PRRX1: variants seen among roughly 807,000 people sequenced by gnomAD.
PRRX1 encodes the protein paired mesoderm homeobox protein 1.
PRRX1 carries 8 observed loss-of-function variants against 24.0 expected under a neutral mutation model. The observed-to-expected ratio is 0.33, with a 90% CI of 0.20 to 0.60. The LOEUF (loss-of-function observed/expected upper bound fraction) is 0.60. PRRX1 is among the 20% of genes least tolerant of loss of function. The pLI is 0.82. For missense variants in PRRX1, 281 were observed against 322.4 expected (o/e 0.87, Z 0.98); for synonymous variants, 160 against 131.7 (o/e 1.22, Z -1.47).
At chr1:170,705,790 T>A (rs1037041269) in intron 1 of PRRX1, among the ~76,000 whole-genome samples, 2 of 152,110 alleles carry the variant, frequency 1.3e-5, no homozygotes, top group African/African-American at 4.8e-5. Context: ...GTAAAACTTT[T>A]GCATTGCAAG....
chr1:170,671,614 G>A (rs960156939), intron 1 of PRRX1, among the ~76,000 whole-genome samples: 5 of 152,222 alleles, frequency 3.3e-5, no homozygotes. Flanking sequence ...GTAACAAAAC[G>A]TGGGAAATAA....
At chr1:170,672,340 C>A (rs896050307) in intron 1 of PRRX1, among the ~76,000 whole-genome samples, 1 of 152,176 alleles carries the variant, frequency 6.6e-6, no homozygotes, top group African/African-American at 2.4e-5. Flanking sequence ...GTCTTCATAG[C>A]ATAGATGATG....
intron 1 of PRRX1, among the ~76,000 whole-genome samples, chr1:170,702,858 T>C (rs1230678059): frequency 6.6e-6 from 1 of 152,208 alleles, no homozygotes; most frequent in Admixed American, 6.5e-5. Context: ...CGATGTTGGG[T>C]GAAATGGATG....
chr1:170,692,768 C>T (rs1474343903), intron 1 of PRRX1, among the ~76,000 whole-genome samples: 1 of 151,420 alleles, frequency 6.6e-6, no homozygotes, highest in Non-Finnish European at 1.5e-5. Flanking sequence ...CACACAGACA[C>T]ACGTGCACAC....
intron 2 of PRRX1, among the ~76,000 whole-genome samples, chr1:170,724,905 T>A (rs1177988555): frequency 6.6e-6 from 1 of 152,212 alleles, no homozygotes; most frequent in Non-Finnish European, 1.5e-5. Context: ...ATTCTTCCTA[T>A]CCATGAGCAT....
chr1:170,690,680 T>C (rs1352783828), intron 1 of PRRX1, among the ~76,000 whole-genome samples: 1 of 140,426 alleles, frequency 7.1e-6, no homozygotes, highest in African/African-American at 2.4e-5. Context: ...AATTATAATA[T>C]AAATTAGACT....
intron 1 of PRRX1, among the ~76,000 whole-genome samples, chr1:170,706,268 A>T (rs1189430358): frequency 6.6e-6 from 1 of 152,222 alleles, no homozygotes; most frequent in East Asian, 1.9e-4. Context: ...TAGTTAATCC[A>T]TTGTTAAATT....
chr1:170,689,168 C>A (rs1309902523), intron 1 of PRRX1, among the ~76,000 whole-genome samples: 1 of 150,870 alleles, frequency 6.6e-6, no homozygotes, highest in African/African-American at 2.4e-5. Context: ...ATTTTTTTTT[C>A]TGTTATTTCA....
chr1:170,723,330 G>T (rs1170672806), intron 2 of PRRX1, among the ~76,000 whole-genome samples: 4 of 152,178 alleles, frequency 2.6e-5, no homozygotes, highest in South Asian at 2.1e-4. Context: ...TCCACAAAAA[G>T]AATTTTCTTC....
Position 170,719,801 on chromosome 1 carries a change from T to G in PRRX1, c.317T>G (p.Leu106Arg). The G allele has an allele frequency of 6.2e-7, 1 of 1,614,214 alleles. No homozygotes were observed. The highest frequency in any genetic ancestry group is 8.5e-7 in the Non-Finnish European group (1 of 1,180,032). Residue 106 changes from leucine (L) to arginine (R), a missense_variant, in exon 2 of 4, where the codon CTG becomes CGG. Leu to Arg is a moderately radical substitution (Grantham distance 102). Transcript: ENST00000239461. ...AGGACAACCTTCAATAGCAGCCAGC[T>G]GCAGGCTTTGGAGCGTGTCTTTGAG... ...RNRTTFNSSQ[L>R]QALERVFERT...
intron 1 of PRRX1, among the ~76,000 whole-genome samples, chr1:170,679,365 T>C (rs1425439155): frequency 6.6e-6 from 1 of 152,204 alleles, no homozygotes; most frequent in African/African-American, 2.4e-5. Flanking sequence ...TCAGGGGATG[T>C]CAAAATTCTA....
intron 1 of PRRX1, among the ~76,000 whole-genome samples, chr1:170,671,856 C>T (rs1008228663): frequency 6.6e-6 from 1 of 152,008 alleles, no homozygotes; most frequent in African/African-American, 2.4e-5. Context: ...AGGGTTTGTC[C>T]CCATGGAGCT....
At chr1:170,694,700 T>G (rs2101900386) in intron 1 of PRRX1, among the ~76,000 whole-genome samples, 1 of 152,310 alleles carries the variant, frequency 6.6e-6, no homozygotes, top group Non-Finnish European at 1.5e-5. Context: ...GGACTTCTGC[T>G]ATTTTACAAT....
At chr1:170,714,507 A>G (rs1362658824) in intron 1 of PRRX1, among the ~76,000 whole-genome samples, 1 of 152,178 alleles carries the variant, frequency 6.6e-6, no homozygotes, top group Non-Finnish European at 1.5e-5. Context: ...TCCCAAACTG[A>G]TGTGACCCAG....
chr1:170,710,747 G>T (rs918502186), intron 1 of PRRX1, among the ~76,000 whole-genome samples: 1 of 152,312 alleles, frequency 6.6e-6, no homozygotes. Flanking sequence ...AAGAGACCAG[G>T]AAGCTTGCTC....
intron 1 of PRRX1, chr1:170,667,934 A>C (rs930596966): frequency 2.6e-5 from 4 of 152,152 alleles, no homozygotes; most frequent in African/African-American, 9.7e-5. Context: ...AGTTAGAAGG[A>C]GTAGGTATTC....
chr1:170,664,149 C>T lies in PRRX1; in HGVS notation c.-70C>T. 1 of 1,513,802 alleles carries T rather than the reference C, an allele frequency of 6.6e-7. No individual in the cohort carries two copies. Among genetic ancestry groups the T allele is most frequent in the African/African-American group, 1.4e-5 (1 of 72,216 alleles). The allele number at this position is 1,513,802 out of a possible 1,614,324, so 93.8% of individuals were successfully genotyped here. On this transcript the variant is annotated 5_prime_UTR_variant, in exon 1 of 4. Transcript: ENST00000239461. ...CTTCCCCACTCGGCTCCTCTCCCCC[C>T]TCGCGCCCACAGCGTTTGGTGTTGA...
chr1:170,672,855 G>C (rs79334762), intron 1 of PRRX1, among the ~76,000 whole-genome samples: 12,855 of 152,154 alleles, frequency 0.084, 725 homozygotes, highest in Middle Eastern at 0.12. Flanking sequence ...AGGGTGGTGA[G>C]AGTCAGTGCC....
At position 170,737,007 on chromosome 1, in the gene PRRX1, G is replaced by C. The variant is rs1388894428; in HGVS notation, c.*821G>C. On this transcript the variant is annotated 3_prime_UTR_variant, in exon 4 of 4. Coordinates refer to ENST00000239461, the MANE Select transcript of PRRX1 (RefSeq NM_022716.4). Reference sequence around the variant, plus strand: ...AATGATTTGCTGTCACAGACTATTTGGTAGAAGAAATATTTTTCACCTGAG... The same window carrying C: ...AATGATTTGCTGTCACAGACTATTTCGTAGAAGAAATATTTTTCACCTGAG... 1 of 196,168 alleles carries C rather than the reference G, an allele frequency of 5.1e-6. No homozygotes were observed. Among genetic ancestry groups the C allele is most frequent in the Non-Finnish European group, 1.1e-5 (1 of 94,290 alleles). 12.2% of individuals were successfully genotyped at this position (196,168 alleles called of 1,614,324 possible). A position where few individuals can be genotyped will look rare whatever the true frequency, so the allele number is the denominator to read the frequency against.
Sources: gnomAD v4.1 joint callset for allele counts (sites outside exome capture counted in the v4.1 genomes callset) on GRCh38, gnomAD v4.1.1 for gene constraint, MANE v1.5 for transcripts, NCBI Gene and HGNC (gene_info 2026-07-23, HGNC 2026-07-21) for gene names.